The following ZAR1 variants were observed in gnomAD, a reference collection of about 807,000 sequenced individuals.
ZAR1 encodes zygote arrest protein 1.
Under a neutral mutation model 38.3 loss-of-function variants are expected in ZAR1, and 37 were observed. That is an observed-to-expected ratio of 0.97 (90% CI 0.74 to 1.27). The LOEUF (loss-of-function observed/expected upper bound fraction) is 1.27. ZAR1 is among the 50% of genes most tolerant of loss of function. ZAR1 has a pLI of 0.00. For missense variants in ZAR1, 651 were observed against 632.4 expected, an observed-to-expected ratio of 1.03 and a Z score of -0.32; for synonymous variants, 336 against 292.0, an observed-to-expected ratio of 1.15 and a Z score of -1.53.
At position 48,494,114 on chromosome 4, in the gene ZAR1, C is replaced by G; in HGVS notation, c.1145C>G (p.Thr382Arg). Reference protein sequence around the residue: ...EDITCQSCKQTRCSCPVKLRH... With the variant: ...EDITCQSCKQRRCSCPVKLRH... ...TTTTTCCCCCAGAGTTGTAAACAAA[C>G]GAGATGTTCCTGCCCAGTAAAACTT... is the stretch of plus-strand genomic sequence containing the variant. Residue 382 changes from threonine (T) to arginine (R), a missense_variant, in exon 4 of 4, where the codon ACG becomes AGG. Thr to Arg is a moderately conservative substitution (Grantham distance 71). Coordinates refer to ENST00000327939, the MANE Select transcript of ZAR1 (RefSeq NM_175619.3). The G allele has an allele frequency of 6.2e-7, 1 of 1,613,502 alleles. No homozygotes were observed. The highest frequency in any genetic ancestry group is 1.1e-5 in the South Asian group (1 of 91,070).
intron 1 of ZAR1, 42 bp downstream of exon 1, chr4:48,491,296 G>C: frequency 8.2e-7 from 1 of 1,220,526 alleles, no homozygotes; most frequent in Non-Finnish European, 1.0e-6. Flanking sequence ...GCCCGGGGGT[G>C]CGGGTGTCTT....
At chr4:48,497,205 C>T (rs1718665887), downstream of ZAR1, among the ~76,000 whole-genome samples, 3 of 152,248 alleles carry the variant, frequency 2.0e-5, no homozygotes, top group South Asian at 4.2e-4. Flanking sequence ...AAAAACTGGG[C>T]TCCAAATGGA....
intron 1 of ZAR1, among the ~76,000 whole-genome samples, chr4:48,491,780 A>G (rs1426159597): frequency 6.6e-6 from 1 of 152,212 alleles, no homozygotes; most frequent in African/African-American, 2.4e-5. Context: ...CCTTCCTAGG[A>G]ATTTGCTTTG....
rs772937768 is a variant in ZAR1, at chr4:48,490,339, G to C, written c.48G>C (p.Ala16=). Residue 16 remains alanine (A), a synonymous_variant, in exon 1 of 4, where the codon GCG becomes GCC. Coordinates refer to ENST00000327939, the MANE Select transcript of ZAR1 (RefSeq NM_175619.3). ...TGCTGGACGGTTACGTGTTCCCGGCGTGCCCCCCCTGCTCGTACCGGTACC... is the reference window on the plus strand; with the variant it reads ...TGCTGGACGGTTACGTGTTCCCGGCCTGCCCCCCCTGCTCGTACCGGTACC... ...DEVLDGYVFP[A]CPPCSYRYPY... The C allele has an allele frequency of 6.6e-7, 1 of 1,513,916 alleles. No individual in the cohort carries two copies. Among genetic ancestry groups the C allele is most frequent in the South Asian group, 1.2e-5 (1 of 82,202 alleles). The allele number at this position is 1,513,916 out of a possible 1,614,324, so 93.8% of individuals were successfully genotyped here.
chr4:48,494,272 CTGA>C lies in ZAR1; in HGVS notation c.*31_*33del. On this transcript the variant is annotated 3_prime_UTR_variant, in exon 4 of 4. Transcript: ENST00000327939. The stretch of plus-strand genomic sequence containing the variant: ...GAAAGTCAGTGTTGCTGTGCATGCG[CTGA>C]TGGAGTAGACGAGTGAGCTTTTCCG... 1.1e-5 allele frequency: 18 copies of C among 1,612,194 alleles called. No individual in the cohort carries two copies. The highest frequency in any genetic ancestry group is 1.4e-5 in the Non-Finnish European group (16 of 1,178,764).
chr4:48,491,253 A>G lies in ZAR1; in HGVS notation c.962A>G (p.Gln321Arg). 8.1e-7 allele frequency: 1 copy of G among 1,228,280 alleles called. No homozygotes were observed. Among genetic ancestry groups the G allele is most frequent in the East Asian group, 3.2e-5 (1 of 31,396 alleles). The allele number at this position is 1,228,280 out of a possible 1,614,324, so 76.1% of individuals were successfully genotyped here. The change falls in exon 1 of 4, where the codon CAG becomes CGG. Residue 321 changes from glutamine (Q) to arginine (R), a missense_variant and splice_region_variant. Physicochemically the swap from Gln to Arg is conservative, Grantham distance 43 (BLOSUM62 1). This residue lies in a region of ZAR1 where 129 missense variants were observed against 172.5 expected (regional missense o/e 0.75). Coordinates refer to ENST00000327939, the MANE Select transcript of ZAR1 (RefSeq NM_175619.3). ...PELGKERLRF[Q>R]FLEQKYGYYH... The stretch of plus-strand genomic sequence containing the variant: ...CTGGGCAAGGAGCGGCTGCGCTTCC[A>G]GGTAAAGCCTAGGGCGGTCAGGGCA...
At position 48,492,661 on chromosome 4, in the gene ZAR1, A is replaced by T. The variant is rs1718476636; in HGVS notation, c.964-105A>T. ...CAAACCTGACCTGCTTTCTTTCATG[A>T]TCTGAAGTTGCCAATTTCAAATATC... On this transcript the variant is annotated intron_variant, in intron 1 of 3. Coordinates refer to ENST00000327939, the MANE Select transcript of ZAR1 (RefSeq NM_175619.3). 2.7e-6 allele frequency: 3 copies of T among 1,106,638 alleles called. No individual in the cohort carries two copies. The Admixed American group carries it at 5.3e-5, about 20-fold the overall frequency. The allele number at this position is 1,106,638 out of a possible 1,614,324, so 68.6% of individuals were successfully genotyped here.
rs1290681148 is a variant in ZAR1, at chr4:48,491,002, G to T, written c.711G>T (p.Pro237=). Residue 237 remains proline (P), a synonymous_variant, in exon 1 of 4, where the codon CCG becomes CCT. Coordinates refer to ENST00000327939, the MANE Select transcript of ZAR1 (RefSeq NM_175619.3). The stretch of plus-strand genomic sequence containing the variant: ...GGACGAAGAAGGCGCCCCGGCGGCC[G>T]CAGTCCGACGACGACGGCGAGGCCC... ...EVWTKKAPRR[P]QSDDDGEAQA... is the part of the protein sequence containing the mutation. The T allele has an allele frequency of 7.3e-7, 1 of 1,362,470 alleles. No individual in the cohort carries two copies. Among genetic ancestry groups the T allele is most frequent in the Non-Finnish European group, 9.4e-7 (1 of 1,062,846 alleles). The allele number at this position is 1,362,470 out of a possible 1,614,324, so 84.4% of individuals were successfully genotyped here.
intron 3 of ZAR1, 104 bp from the exon 4 acceptor site, chr4:48,493,997 G>GA: frequency 2.2e-6 from 3 of 1,383,088 alleles, no homozygotes; most frequent in Non-Finnish European, 2.9e-6. Flanking sequence ...ACCTTGCTTA[G>GA]AGCACATTCA....
downstream of ZAR1, among the ~76,000 whole-genome samples, chr4:48,496,383 T>C (rs1289030324): frequency 1.3e-5 from 2 of 151,670 alleles, no homozygotes; most frequent in East Asian, 1.9e-4. Context: ...TGATCAATAG[T>C]ATTTGCTCAA....
At chr4:48,495,643 ATAAATG>A (rs1213325603), downstream of ZAR1, among the ~76,000 whole-genome samples, 2 of 152,198 alleles carry the variant, frequency 1.3e-5, no homozygotes, top group Admixed American at 6.5e-5. Context: ...TAGTTTTTAT[ATAAATG>A]TAAAACTGAG....
downstream of ZAR1, among the ~76,000 whole-genome samples, chr4:48,495,129 TG>T (rs1718550520): frequency 6.6e-6 from 1 of 152,208 alleles, no homozygotes; most frequent in Non-Finnish European, 1.5e-5. Context: ...CTAGTCGGGA[TG>T]CCAGACTCTA....
Position 48,491,066 on chromosome 4 carries a change from G to A in ZAR1, c.775G>A (p.Gly259Ser), listed in dbSNP as rs534944262. 18 of 1,312,834 alleles carry A rather than the reference G, an allele frequency of 1.4e-5. No homozygotes were observed. The highest frequency in any genetic ancestry group is 3.1e-5 in the African/African-American group (2 of 64,658). The allele number at this position is 1,312,834 out of a possible 1,614,324, so 81.3% of individuals were successfully genotyped here. Residue 259 changes from glycine (G) to serine (S), a missense_variant, in exon 1 of 4, where the codon GGT becomes AGT. Coordinates refer to ENST00000327939, the MANE Select transcript of ZAR1 (RefSeq NM_175619.3). Reference sequence around the variant, plus strand: ...AGCGAGCTGGGAGCAGCCGGCCGACGGTCCCGAGCTGCCGCCGCGAGAGGC... The same window carrying A: ...AGCGAGCTGGGAGCAGCCGGCCGACAGTCCCGAGCTGCCGCCGCGAGAGGC... ...VRASWEQPAD[G>S]PELPPREAQE...
At position 48,491,256 on chromosome 4, in the gene ZAR1, T is replaced by G. The variant is rs1577772338; in HGVS notation, c.963+2T>G. The G allele has an allele frequency of 5.7e-6, 7 of 1,227,494 alleles. No individual in the cohort carries two copies. The highest frequency in any genetic ancestry group is 7.1e-6 in the Non-Finnish European group (7 of 983,942). 76.0% of individuals were successfully genotyped at this position (1,227,494 alleles called of 1,614,324 possible). On this transcript the variant is annotated splice_donor_variant, in intron 1 of 3. Transcript: ENST00000327939. LOFTEE classifies it high-confidence loss of function. ...GGCAAGGAGCGGCTGCGCTTCCAGG[T>G]AAAGCCTAGGGCGGTCAGGGCACAG...
At chr4:48,497,194 C>CA (rs1400986379), downstream of ZAR1, among the ~76,000 whole-genome samples, 40 of 152,192 alleles carry the variant, frequency 2.6e-4, no homozygotes, top group African/African-American at 9.6e-4. Context: ...CTGTATGTAG[C>CA]AAAAACTGGG....
In ZAR1 at chr4:48,490,297, G is replaced by C. The variant is rs765565670; in HGVS notation, c.6G>C (p.Ala2=). The C allele has an allele frequency of 1.3e-6, 2 of 1,502,356 alleles. No individual in the cohort carries two copies. The highest frequency in any genetic ancestry group is 1.5e-5 in the African/African-American group (1 of 68,842). 93.1% of individuals were successfully genotyped at this position (1,502,356 alleles called of 1,614,324 possible). Residue 2 remains alanine, a synonymous_variant, in exon 1 of 4, where the codon GCG becomes GCC. Transcript: ENST00000327939. M[A]ALGDEVLDGY... ...CGGGCGGGAGCAGTGCGCCCATGGC[G>C]GCCCTGGGGGACGAGGTGCTGGACG...
At position 48,492,844 on chromosome 4, in the gene ZAR1, C is replaced by T. The variant is rs1404972324; in HGVS notation, c.1042C>T (p.Gln348Ter). 1 of 1,614,042 alleles carries T rather than the reference C, an allele frequency of 6.2e-7. No individual in the cohort carries two copies. The highest frequency in any genetic ancestry group is 1.3e-5 in the African/African-American group (1 of 74,910). Reference sequence around the variant, plus strand: ...GGAGAGTGCTTATGTGTGGTGTGTACAGGGAACTAACAAGGTAAGAAATAC... The same window carrying T: ...GGAGAGTGCTTATGTGTGGTGTGTATAGGGAACTAACAAGGTAAGAAATAC... ...RWESAYVWCVQGTNKVYFKQF... is the reference protein window; with the variant it reads ...RWESAYVWCV The change falls in exon 2 of 4, where the codon CAG becomes TAG. Residue 348 changes from glutamine to a stop codon, truncating the protein, a stop_gained. Transcript: ENST00000327939. LOFTEE classifies it high-confidence loss of function.
chr4:48,496,079 C>T (rs533265915), downstream of ZAR1, among the ~76,000 whole-genome samples: 1 of 152,200 alleles, frequency 6.6e-6, no homozygotes, highest in East Asian at 1.9e-4. Flanking sequence ...GGACTACAGG[C>T]ACTTTGCCAG....
downstream of ZAR1, chr4:48,497,611 G>A (rs1336158885): frequency 6.6e-6 from 1 of 152,538 alleles, no homozygotes; most frequent in Non-Finnish European, 1.5e-5. Context: ...GATGTAAGGA[G>A]GGTAAGAAAA....
Sources: gnomAD v4.1 joint callset for allele counts (sites outside exome capture counted in the v4.1 genomes callset) on GRCh38, gnomAD v4.1.1 for gene constraint, gnomAD v4.1.1 regional missense constraint, MANE v1.5 for transcripts, NCBI Gene and HGNC (gene_info 2026-07-23, HGNC 2026-07-21) for gene names.